GAD1: variants seen among roughly 807,000 people sequenced by gnomAD.
GAD1 encodes 67 kDa glutamic acid decarboxylase.
In GAD1, 35 loss-of-function variants were observed where a neutral mutation model predicts 75.2. The observed-to-expected ratio is 0.47, with a 90% CI of 0.36 to 0.62. The LOEUF is 0.62. GAD1 is among the 20% of genes least tolerant of loss of function. GAD1 has a pLI of 0.00. For synonymous variants in GAD1, 257 were observed against 271.9 expected, an observed-to-expected ratio of 0.95 and a Z score of 0.54; for missense variants, 490 against 758.5, an observed-to-expected ratio of 0.65 and a Z score of 4.16.
intron 14 of GAD1, among the ~76,000 whole-genome samples, chr2:170,854,397 C>CTTTT (rs71399565): frequency 3.5e-4 from 39 of 112,766 alleles, no homozygotes; most frequent in South Asian, 8.7e-4. Context: ...ACCTTGAATT[C>CTTTT]TTTTTTTTTT....
rs772957525 is a variant in GAD1, at chr2:170,818,615, G to A, written c.24G>A (p.Ser8=). The change falls in exon 2 of 17, where the codon TCG becomes TCA. Residue 8 remains serine, a synonymous_variant. Transcript: ENST00000358196. This position sits in a 1 kb window ranked among gnomAD's most constrained non-coding sequence, Gnocchi z 5.9. ...TGATGGCGTCTTCGACCCCATCTTC[G>A]TCCGCAACCTCCTCGAACGCGGGAG... MASSTPS[S]SATSSNAGAD... 3 of 1,614,146 alleles carry A rather than the reference G, an allele frequency of 1.9e-6. No individual in the cohort carries two copies. Among genetic ancestry groups the A allele is most frequent in the Admixed American group, 1.7e-5 (1 of 60,024 alleles).
intron 3 of GAD1, among the ~76,000 whole-genome samples, chr2:170,825,241 A>C (rs535787782): frequency 7.8e-4 from 119 of 152,114 alleles, no homozygotes; most frequent in Non-Finnish European, 1.4e-3. Context: ...TCAAAAAATT[A>C]GCCAGGTGTG....
chr2:170,857,435 G>A (rs1388248138), intron 15 of GAD1, among the ~76,000 whole-genome samples: 1 of 151,962 alleles, frequency 6.6e-6, no homozygotes, highest in Non-Finnish European at 1.5e-5. Context: ...TTTGTTTTGT[G>A]TTGAACCTTT....
chr2:170,825,470 A>G (rs1422684813), intron 3 of GAD1, among the ~76,000 whole-genome samples: 1 of 152,218 alleles, frequency 6.6e-6, no homozygotes. Context: ...TGGTGAACAG[A>G]GAATGTGCTG....
chr2:170,843,220 C>G (rs1340041581), intron 6 of GAD1, among the ~76,000 whole-genome samples: 3 of 152,318 alleles, frequency 2.0e-5, no homozygotes, highest in Non-Finnish European at 4.4e-5. Context: ...ACTAGTCTAC[C>G]AGACTATGCC....
At chr2:170,831,228 C>T (rs935244108) in intron 5 of GAD1, 36 bp downstream of exon 5, 1 of 1,611,302 alleles carries the variant, frequency 6.2e-7, no homozygotes, top group African/African-American at 1.3e-5. Context: ...GTAGTGGCAA[C>T]TTTGCCCTCC....
At chr2:170,823,233 G>A (rs1317548813) in intron 3 of GAD1, among the ~76,000 whole-genome samples, 1 of 152,172 alleles carries the variant, frequency 6.6e-6, no homozygotes, top group Non-Finnish European at 1.5e-5. Flanking sequence ...CACGGGACAC[G>A]CCCGCCCGCC....
At chr2:170,832,471 C>T (rs575865944) in intron 5 of GAD1, among the ~76,000 whole-genome samples, 19 of 152,262 alleles carry the variant, frequency 1.2e-4, no homozygotes, top group South Asian at 1.2e-3. Context: ...CCAGCATGAC[C>T]TCATCTTAAC....
At chr2:170,822,018 T>C (rs1046263932) in intron 2 of GAD1, 69 bp from the exon 3 acceptor site, 21 of 1,297,840 alleles carry the variant, frequency 1.6e-5, no homozygotes, top group African/African-American at 2.9e-5. Flanking sequence ...AGAAAACCAT[T>C]GTCCTCCACC....
chr2:170,825,484 T>G (rs1054912084), intron 3 of GAD1, among the ~76,000 whole-genome samples: 5 of 152,240 alleles, frequency 3.3e-5, no homozygotes, highest in African/African-American at 1.2e-4. Context: ...TGTGCTGGGC[T>G]TCAGCTCCCA....
chr2:170,834,178 A>G (rs767032472), intron 5 of GAD1, among the ~76,000 whole-genome samples: 6 of 152,330 alleles, frequency 3.9e-5, no homozygotes, highest in Non-Finnish European at 8.8e-5. Flanking sequence ...ACCTCCTGCT[A>G]TATCTCAGGA....
chr2:170,817,139 C>T (rs1333466161), intron 1 of GAD1, 91 bp downstream of exon 1: 1 of 153,292 alleles, frequency 6.5e-6, no homozygotes, highest in African/African-American at 2.4e-5. Flanking sequence ...CAACCAACCC[C>T]ATCCCAGCGC....
intron 10 of GAD1, among the ~76,000 whole-genome samples, chr2:170,846,686 G>C (rs1436048905): frequency 6.6e-6 from 1 of 152,220 alleles, no homozygotes; most frequent in African/African-American, 2.4e-5. Context: ...GACTGAGCAA[G>C]GAGCAGAGGT....
chr2:170,845,546 C>T lies in GAD1; in HGVS notation c.792C>T (p.Arg264=). 5.6e-6 allele frequency: 9 copies of T among 1,614,138 alleles called. No individual in the cohort carries two copies. The highest frequency in any genetic ancestry group is 7.6e-6 in the Non-Finnish European group (9 of 1,180,034). Reference sequence around the variant, plus strand: ...ACATGTACAGCATCATGGCTGCTCGCTACAAGTACTTCCCGGAAGTTAAGA... The same window carrying T: ...ACATGTACAGCATCATGGCTGCTCGTTACAAGTACTTCCCGGAAGTTAAGA... The part of the protein sequence containing the change: ...ISNMYSIMAA[R]YKYFPEVKTK... The change falls in exon 8 of 17, where the codon CGC becomes CGT. Residue 264 remains arginine, a synonymous_variant. Coordinates refer to ENST00000358196, the MANE Select transcript of GAD1 (RefSeq NM_000817.3).
Position 170,831,252 on chromosome 2 carries a change from C to T in GAD1, c.547+60C>T, listed in dbSNP as rs926731317. ...ACTTTGCCCTCCATCTCACCCTTGCCAGTTGTGAGGATATCAAACTTGTGT... is the reference window on the plus strand; with the variant it reads ...ACTTTGCCCTCCATCTCACCCTTGCTAGTTGTGAGGATATCAAACTTGTGT... On this transcript the variant is annotated intron_variant, in intron 5 of 16. Transcript: ENST00000358196. The T allele has an allele frequency of 3.2e-6, 5 of 1,577,700 alleles. No individual in the cohort carries two copies. In the African/African-American group the frequency reaches 5.4e-5, roughly 17 times the overall value.
intron 3 of GAD1, among the ~76,000 whole-genome samples, chr2:170,822,513 C>T (rs937810975): frequency 6.6e-6 from 1 of 152,244 alleles, no homozygotes; most frequent in Non-Finnish European, 1.5e-5. Context: ...TCTGCCTGCG[C>T]GTCCCAAAGG....
At chr2:170,828,532 CCCTCTGCTGTCCTCACCCTCCTA>C (rs1404849960) in intron 3 of GAD1, among the ~76,000 whole-genome samples, 10 of 125,924 alleles carry the variant, frequency 7.9e-5, no homozygotes, top group South Asian at 3.0e-4. Context: ...TTGCTCTCCT[CCCTCTGCTGTCCTCACCCTCCTA>C]CCTCTGCTGT....
chr2:170,831,239 A>C, intron 5 of GAD1, 47 bp downstream of exon 5: 1 of 1,604,672 alleles, frequency 6.2e-7, no homozygotes, highest in Non-Finnish European at 8.5e-7. Context: ...TTTGCCCTCC[A>C]TCTCACCCTT....
intron 14 of GAD1, among the ~76,000 whole-genome samples, chr2:170,856,178 C>G (rs76710253): frequency 0.23 from 35,132 of 152,164 alleles, 4,380 homozygotes; most frequent in South Asian, 0.37. Flanking sequence ...CAATCCACAG[C>G]CAGCCTTGTG....
Sources: allele counts gnomAD v4.1 joint callset (sites outside exome capture counted in the v4.1 genomes callset), GRCh38; gene constraint gnomAD v4.1.1; non-coding constraint Gnocchi (gnomAD v3.1); transcripts MANE v1.5; gene names NCBI Gene and HGNC (gene_info 2026-07-23, HGNC 2026-07-21).